PABPC4L: variants seen among roughly 807,000 people sequenced by gnomAD.
The protein encoded by PABPC4L is poly(A) binding protein cytoplasmic 4 like.
For missense variants in PABPC4L, 452 were observed against 451.4 expected, an observed-to-expected ratio of 1.00 and a Z score of -0.01; for synonymous variants, 169 against 164.1, an observed-to-expected ratio of 1.03 and a Z score of -0.23.
the PABPC4L span, among the ~76,000 whole-genome samples, chr4:134,056,051 G>A: frequency 6.6e-6 from 1 of 151,850 alleles, no homozygotes; most frequent in East Asian, 1.9e-4. Flanking sequence ...AATTGCTATA[G>A]CACCATTTGT....
chr4:134,149,683 G>C, the PABPC4L span, among the ~76,000 whole-genome samples: 3 of 152,134 alleles, frequency 2.0e-5, no homozygotes, highest in Non-Finnish European at 4.4e-5. Flanking sequence ...CGTAGCAAAT[G>C]CTATAAGACT....
chr4:134,177,094 T>C, the PABPC4L span, among the ~76,000 whole-genome samples: 1 of 151,888 alleles, frequency 6.6e-6, no homozygotes, highest in Non-Finnish European at 1.5e-5. Flanking sequence ...CAAACTTGCC[T>C]GCCCACTCCT....
At chr4:134,171,742 A>G in the PABPC4L span, among the ~76,000 whole-genome samples, 566 of 152,258 alleles carry the variant, frequency 3.7e-3, 3 homozygotes, top group African/African-American at 0.013. Flanking sequence ...TTTGCAGATT[A>G]TGTGATGCTA....
the PABPC4L span, among the ~76,000 whole-genome samples, chr4:134,129,644 A>G: frequency 1.3e-5 from 2 of 152,220 alleles, no homozygotes; most frequent in East Asian, 3.9e-4. Flanking sequence ...AATTAAATTT[A>G]AATTTTTAAA....
chr4:134,082,933 C>T, the PABPC4L span, among the ~76,000 whole-genome samples: 18 of 152,208 alleles, frequency 1.2e-4, no homozygotes, highest in Admixed American at 7.2e-4. Context: ...GATCTAACTT[C>T]GGAAATAACT....
At chr4:134,081,348 G>A in the PABPC4L span, among the ~76,000 whole-genome samples, 7 of 152,130 alleles carry the variant, frequency 4.6e-5, no homozygotes, top group Non-Finnish European at 1.0e-4. Context: ...GCTAGTTGAG[G>A]TTCCAAAGAA....
At chr4:134,117,110 T>C in the PABPC4L span, among the ~76,000 whole-genome samples, 2 of 151,694 alleles carry the variant, frequency 1.3e-5, no homozygotes, top group Non-Finnish European at 2.9e-5. Flanking sequence ...AATGTAGCTA[T>C]TTGCATTTTC....
At chr4:134,073,473 G>A in the PABPC4L span, among the ~76,000 whole-genome samples, 1 of 152,162 alleles carries the variant, frequency 6.6e-6, no homozygotes, top group Non-Finnish European at 1.5e-5. Flanking sequence ...TTCACGGGCT[G>A]GTGTTGTGTC....
At chr4:134,078,820 TTTTTTTTTC>T in the PABPC4L span, among the ~76,000 whole-genome samples, 47 of 148,130 alleles carry the variant, frequency 3.2e-4, no homozygotes, top group East Asian at 5.9e-4. Context: ...GCCTGGCTAA[TTTTTTTTTC>T]TTTTTTTTCT....
At chr4:134,157,999 T>G in the PABPC4L span, among the ~76,000 whole-genome samples, 1 of 151,894 alleles carries the variant, frequency 6.6e-6, no homozygotes, top group Non-Finnish European at 1.5e-5. Flanking sequence ...AGTTTTGCAA[T>G]TCTAGAATAA....
downstream of PABPC4L, among the ~76,000 whole-genome samples, chr4:134,195,339 G>A (rs1319127888): frequency 6.6e-6 from 1 of 151,672 alleles, no homozygotes; most frequent in East Asian, 1.9e-4. Context: ...AAATTGTGAT[G>A]CCCTACAATA....
the PABPC4L span, among the ~76,000 whole-genome samples, chr4:134,089,343 G>A: frequency 6.6e-6 from 1 of 151,846 alleles, no homozygotes; most frequent in African/African-American, 2.4e-5. Flanking sequence ...CCTCATTATT[G>A]AGATCCTCCA....
chr4:134,126,351 A>T, the PABPC4L span, among the ~76,000 whole-genome samples: 5 of 152,142 alleles, frequency 3.3e-5, no homozygotes, highest in African/African-American at 1.2e-4. Context: ...TCTTAGTCTC[A>T]GCTGGTAGAA....
At chr4:134,042,658 G>C in the PABPC4L span, among the ~76,000 whole-genome samples, 8 of 152,158 alleles carry the variant, frequency 5.3e-5, no homozygotes, top group Admixed American at 2.0e-4. Context: ...GCCTAGACTT[G>C]TGGTGCCTCT....
chr4:134,018,478 C>A, the PABPC4L span, among the ~76,000 whole-genome samples: 1 of 152,204 alleles, frequency 6.6e-6, no homozygotes, highest in African/African-American at 2.4e-5. Context: ...GCATAGTACC[C>A]AACAGGTACT....
At chr4:134,052,588 C>T in the PABPC4L span, among the ~76,000 whole-genome samples, 1 of 151,684 alleles carries the variant, frequency 6.6e-6, no homozygotes, top group Non-Finnish European at 1.5e-5. Context: ...CGGTTCATTT[C>T]TCCCTGGAAC....
chr4:134,150,816 A>G, the PABPC4L span, among the ~76,000 whole-genome samples: 1 of 152,198 alleles, frequency 6.6e-6, no homozygotes, highest in Non-Finnish European at 1.5e-5. Context: ...GCAGATACAT[A>G]ACAAGTTCAC....
chr4:134,182,394 T>A, the PABPC4L span, among the ~76,000 whole-genome samples: 1 of 151,974 alleles, frequency 6.6e-6, no homozygotes, highest in African/African-American at 2.4e-5. Flanking sequence ...AACTGTCTAG[T>A]CATATGCAGA....
At chr4:134,007,450 C>A in the PABPC4L span, among the ~76,000 whole-genome samples, 1 of 151,626 alleles carries the variant, frequency 6.6e-6, no homozygotes, top group Admixed American at 6.6e-5. Context: ...TTGTCAATCA[C>A]CTTATTGTCA....
Sources: gnomAD v4.1 joint callset for allele counts (sites outside exome capture counted in the v4.1 genomes callset) on GRCh38, gnomAD v4.1.1 for gene constraint, MANE v1.5 for transcripts, NCBI Gene and HGNC (gene_info 2026-07-23, HGNC 2026-07-21) for gene names.